Variants in ADAMTSL3 observed in about 807,000 individuals in gnomAD.
ADAMTSL3 encodes ADAMTS like 3.
A neutral mutation model predicts 201.7 loss-of-function variants in ADAMTSL3; 128 were observed. The observed-to-expected ratio is 0.63, with a 90% CI of 0.55 to 0.73. ADAMTSL3 has a LOEUF of 0.73. Ranked by LOEUF, ADAMTSL3 falls within the 30% of genes least tolerant of loss-of-function variation. The probability of loss-of-function intolerance (pLI) is 0.00; values close to 1 mark genes in which losing one functional copy is unlikely to be tolerated. For missense variants in ADAMTSL3, 1,990 were observed against 2,119.6 expected, an observed-to-expected ratio of 0.94 and a Z score of 1.20; for synonymous variants, 738 against 748.4, an observed-to-expected ratio of 0.99 and a Z score of 0.23.
chr15:84,010,899 T>C (rs1381553510), intron 23 of ADAMTSL3, among the ~76,000 whole-genome samples: 1 of 152,224 alleles, frequency 6.6e-6, no homozygotes, highest in African/African-American at 2.4e-5. Context: ...TGCAGGTATC[T>C]TCCCTTTCTC....
intron 5 of ADAMTSL3, among the ~76,000 whole-genome samples, chr15:83,819,005 G>A (rs1447020060): frequency 1.3e-5 from 2 of 152,170 alleles, no homozygotes; most frequent in African/African-American, 4.8e-5. Flanking sequence ...GGGCACTGTG[G>A]CTCACGCCTT....
At chr15:83,920,384 G>T (rs934251685) in intron 16 of ADAMTSL3, among the ~76,000 whole-genome samples, 37 of 152,302 alleles carry the variant, frequency 2.4e-4, no homozygotes, top group African/African-American at 6.0e-4. Flanking sequence ...AGGCCAAATG[G>T]CTTTCAACAA....
intron 3 of ADAMTSL3, among the ~76,000 whole-genome samples, chr15:83,761,378 C>T (rs576757836): frequency 3.3e-5 from 5 of 152,234 alleles, no homozygotes; most frequent in Admixed American, 2.0e-4. Flanking sequence ...AATTTACCTA[C>T]GTTTACCATT....
At chr15:83,679,147 T>C (rs1421188147) in intron 2 of ADAMTSL3, among the ~76,000 whole-genome samples, 1 of 152,010 alleles carries the variant, frequency 6.6e-6, no homozygotes, top group African/African-American at 2.4e-5. Flanking sequence ...TTTTTAAATT[T>C]AAGATATTGC....
chr15:83,698,312 C>A (rs576372521), intron 2 of ADAMTSL3, among the ~76,000 whole-genome samples: 1 of 152,194 alleles, frequency 6.6e-6, no homozygotes, highest in African/African-American at 2.4e-5. Context: ...ATCCCATATA[C>A]ACTTCCTCCT....
At chr15:83,991,457 G>A (rs887963637) in intron 23 of ADAMTSL3, among the ~76,000 whole-genome samples, 1 of 152,216 alleles carries the variant, frequency 6.6e-6, no homozygotes, top group African/African-American at 2.4e-5. Flanking sequence ...GACTGTGACT[G>A]CCATGCACAC....
At chr15:83,729,739 C>G (rs1217127489) in intron 3 of ADAMTSL3, among the ~76,000 whole-genome samples, 1 of 152,106 alleles carries the variant, frequency 6.6e-6, no homozygotes, top group African/African-American at 2.4e-5. Flanking sequence ...ATCTCTGTCA[C>G]TCCAGAATTG....
chr15:83,838,244 C>T (rs748918692), intron 7 of ADAMTSL3, 29 bp downstream of exon 7: 8 of 1,606,030 alleles, frequency 5.0e-6, no homozygotes, highest in Non-Finnish European at 6.0e-6. Context: ...ACGTTATTAC[C>T]ATCATACAAG....
chr15:83,828,185 G>C (rs1352553626), intron 6 of ADAMTSL3, among the ~76,000 whole-genome samples: 1 of 152,092 alleles, frequency 6.6e-6, no homozygotes, highest in African/African-American at 2.4e-5. Context: ...CATTTGTTGT[G>C]TCCTCTTTTA....
chr15:83,869,252 A>G (rs1305789621), intron 8 of ADAMTSL3, among the ~76,000 whole-genome samples: 3 of 151,982 alleles, frequency 2.0e-5, no homozygotes, highest in African/African-American at 7.3e-5. Context: ...CATCCATTGT[A>G]GGGCCCATTT....
At position 83,870,919 on chromosome 15, in the gene ADAMTSL3, T is replaced by C. The variant is rs776682856; in HGVS notation, c.920T>C (p.Phe307Ser). The C allele has an allele frequency of 6.2e-7, 1 of 1,613,618 alleles. No homozygotes were observed. Among genetic ancestry groups the C allele is most frequent in the Non-Finnish European group, 8.5e-7 (1 of 1,179,840 alleles). ...EFQRGSERQT[F>S]KIPGPLMADF... ...CAGAGGGGCTCCGAGAGGCAAACTT[T>C]TAAGATTCCAGGACCTCTGATGGCT... The change falls in exon 9 of 30, where the codon TTT becomes TCT. Residue 307 changes from phenylalanine (F) to serine (S), a missense_variant. Phe to Ser is a radical substitution (Grantham distance 155). Coordinates refer to ENST00000286744, the MANE Select transcript of ADAMTSL3 (RefSeq NM_207517.3).
chr15:83,789,374 G>A (rs1363132618), intron 4 of ADAMTSL3, among the ~76,000 whole-genome samples: 1 of 152,000 alleles, frequency 6.6e-6, no homozygotes, highest in African/African-American at 2.4e-5. Flanking sequence ...TAGACATTTG[G>A]GAGGAAAATT....
intron 2 of ADAMTSL3, among the ~76,000 whole-genome samples, chr15:83,681,302 G>A (rs2061473285): frequency 6.6e-6 from 1 of 152,174 alleles, no homozygotes; most frequent in Admixed American, 6.5e-5. Context: ...GTGGCAAATT[G>A]GGTGCTTGAT....
intron 4 of ADAMTSL3, among the ~76,000 whole-genome samples, chr15:83,801,656 A>AAAT (rs2063520278): frequency 1.6e-5 from 1 of 61,694 alleles, no homozygotes; most frequent in Non-Finnish European, 3.4e-5. Flanking sequence ...ATATAAATAT[A>AAAT]TATATATATA....
At chr15:83,937,256 A>G (rs867871236) in intron 17 of ADAMTSL3, among the ~76,000 whole-genome samples, 12 of 150,918 alleles carry the variant, frequency 8.0e-5, no homozygotes, top group African/African-American at 3.0e-4. Flanking sequence ...CATGAAATCA[A>G]TGTAAATACG....
At chr15:83,684,147 GAT>G (rs1298270643) in intron 2 of ADAMTSL3, among the ~76,000 whole-genome samples, 5 of 152,116 alleles carry the variant, frequency 3.3e-5, no homozygotes, top group African/African-American at 1.2e-4. Context: ...ATGTCTCATA[GAT>G]ATTATAAGTT....
At chr15:83,739,921 G>C (rs1567111576) in intron 3 of ADAMTSL3, 9 of 574,534 alleles carry the variant, frequency 1.6e-5, no homozygotes, top group African/African-American at 1.9e-5. Context: ...GAGAGAAGAC[G>C]CATCCTTCAA....
At chr15:83,735,163 C>T (rs934761416) in intron 3 of ADAMTSL3, among the ~76,000 whole-genome samples, 2 of 151,798 alleles carry the variant, frequency 1.3e-5, no homozygotes, top group African/African-American at 4.8e-5. Flanking sequence ...TAAAATAAAC[C>T]AGAAGTAGGT....
At chr15:83,970,443 C>G in intron 19 of ADAMTSL3, 41 bp from the exon 20 acceptor site, 1 of 1,612,246 alleles carries the variant, frequency 6.2e-7, no homozygotes, top group African/African-American at 1.3e-5. Flanking sequence ...GGTCTGCCTG[C>G]TCATGCTCCA....
Sources: allele counts gnomAD v4.1 joint callset (sites outside exome capture counted in the v4.1 genomes callset), GRCh38; gene constraint gnomAD v4.1.1; transcripts MANE v1.5; gene names NCBI Gene and HGNC (gene_info 2026-07-23, HGNC 2026-07-21).